The following MRPL15 variants were observed in gnomAD, a reference collection of about 807,000 sequenced individuals.
MRPL15 encodes the protein mitochondrial ribosomal protein L15.
In MRPL15, 24 loss-of-function variants were observed where a neutral mutation model predicts 28.0. The ratio of observed to expected loss-of-function variants is 0.86; its 90% CI spans 0.62 to 1.21. The LOEUF (loss-of-function observed/expected upper bound fraction) is 1.21, where lower values mean the gene tolerates loss of function less well. MRPL15 is among the 50% of genes most tolerant of loss of function. The pLI, the probability that MRPL15 is intolerant of heterozygous loss-of-function variation, is 0.00. For missense variants in MRPL15, 343 were observed against 372.4 expected (o/e 0.92, Z 0.65); for synonymous variants, 124 against 137.0 (o/e 0.90, Z 0.66).
intron 3 of MRPL15, among the ~76,000 whole-genome samples, chr8:54,137,680 T>TTCA (rs1810850653): frequency 6.6e-6 from 1 of 152,138 alleles, no homozygotes; most frequent in Non-Finnish European, 1.5e-5. Context: ...GCCAGGCTGA[T>TTCA]CTTGAACTCC....
chr8:54,141,542 TA>T lies in MRPL15; in HGVS notation c.430-1112del, dbSNP rs199866053. Among the ~76,000 whole-genome samples, 10 of 151,340 alleles carry T rather than the reference TA, an allele frequency of 6.6e-5. No individual in the cohort carries two copies. In the East Asian group the frequency reaches 1.7e-3, roughly 26 times the overall value. On this transcript the variant is annotated intron_variant, in intron 3 of 4. Transcript: ENST00000260102. ...AAACAAGGTAGCCTAAATAAAATGT[TA>T]AAAAAAAAGTGATAGGACCTCAAAG... is the stretch of plus-strand genomic sequence containing the variant.
At chr8:54,140,579 T>C (rs1348253001) in intron 3 of MRPL15, among the ~76,000 whole-genome samples, 3 of 106,792 alleles carry the variant, frequency 2.8e-5, no homozygotes, top group East Asian at 3.4e-4. Flanking sequence ...CTTTTCTTTT[T>C]TTTTTTTTTT....
chr8:54,146,674 G>A (rs1811050508), intron 4 of MRPL15, among the ~76,000 whole-genome samples: 1 of 152,180 alleles, frequency 6.6e-6, no homozygotes, highest in Non-Finnish European at 1.5e-5. Flanking sequence ...GGTTAAGGTT[G>A]CATTGCTAAC....
At chr8:54,135,431 C>T in intron 1 of MRPL15, 40 bp downstream of exon 1, 1 of 1,494,994 alleles carries the variant, frequency 6.7e-7, no homozygotes, top group South Asian at 1.2e-5. Flanking sequence ...GCTGGGGACC[C>T]GGGCGATGAA....
intron 3 of MRPL15, among the ~76,000 whole-genome samples, chr8:54,139,046 C>G (rs1233477652): frequency 2.0e-5 from 3 of 152,106 alleles, no homozygotes; most frequent in Non-Finnish European, 2.9e-5. Flanking sequence ...GTCACCCAGG[C>G]TGGAGTGCAG....
chr8:54,145,970 C>T (rs568615973), intron 4 of MRPL15, among the ~76,000 whole-genome samples: 2 of 152,294 alleles, frequency 1.3e-5, no homozygotes, highest in African/African-American at 4.8e-5. Context: ...TGTGAGTGGC[C>T]TGCCTGGAGT....
chr8:54,147,407 C>G lies in MRPL15; in HGVS notation c.579C>G (p.Phe193Leu). Residue 193 changes from phenylalanine to leucine, a missense_variant, in exon 5 of 5, where the codon TTC (phenylalanine) becomes TTG (leucine). Coordinates refer to ENST00000260102, the MANE Select transcript of MRPL15 (RefSeq NM_014175.4). ...ACATTGTATGCAAACCTGTTCCATT[C>G]TTTCTTCGTGGACAACCCATTCCAA... Reference protein sequence around the residue: ...SLDIVCKPVPFFLRGQPIPKR... With the variant: ...SLDIVCKPVPLFLRGQPIPKR... The G allele has an allele frequency of 1.9e-6, 3 of 1,612,106 alleles. No individual in the cohort carries two copies. Among genetic ancestry groups the G allele is most frequent in the Non-Finnish European group, 2.5e-6 (3 of 1,178,876 alleles).
intron 4 of MRPL15, among the ~76,000 whole-genome samples, chr8:54,144,734 G>A (rs1011068055): frequency 2.6e-5 from 4 of 151,824 alleles, no homozygotes; most frequent in African/African-American, 7.3e-5. Flanking sequence ...CGCTGAGATC[G>A]CGCCACTGCA....
chr8:54,145,106 C>G (rs1009638399), intron 4 of MRPL15, among the ~76,000 whole-genome samples: 4 of 152,140 alleles, frequency 2.6e-5, no homozygotes. Flanking sequence ...GCAGGTTGTC[C>G]CAGGATCTTT....
intron 1 of MRPL15, 61 bp from the exon 2 acceptor site, chr8:54,136,450 G>A (rs1475006386): frequency 6.4e-7 from 1 of 1,550,706 alleles, no homozygotes; most frequent in African/African-American, 1.4e-5. Context: ...AAAGTGAAGA[G>A]CTGAAATGCA....
chr8:54,142,317 G>A (rs551529245), intron 3 of MRPL15, among the ~76,000 whole-genome samples: 15 of 151,204 alleles, frequency 9.9e-5, no homozygotes, highest in Admixed American at 2.0e-4. Context: ...ACCACACCCA[G>A]CTAATTTTTT....
In MRPL15 at chr8:54,137,256, C is replaced by T. The variant is rs1003563382; in HGVS notation, c.264-12C>T. On this transcript the variant is annotated splice_polypyrimidine_tract_variant and intron_variant, in intron 2 of 4. Transcript: ENST00000260102. ...ATGAGAGTTTTCCAACTCTTACATT[C>T]TTGTTTTACAGTTTCAGACGCCAGT... 13 of 1,606,794 alleles carry T rather than the reference C, an allele frequency of 8.1e-6. No individual in the cohort carries two copies. The highest frequency in any genetic ancestry group is 1.0e-5 in the Non-Finnish European group (12 of 1,176,788).
chr8:54,147,958 G>GA lies in MRPL15; in HGVS notation c.*243dup, dbSNP rs1354295876. 2.4e-6 allele frequency: 1 copy of GA among 422,746 alleles called. No homozygotes were observed. The highest frequency in any genetic ancestry group is 4.2e-6 in the Non-Finnish European group (1 of 238,434). 26.2% of individuals were successfully genotyped at this position (422,746 alleles called of 1,614,324 possible). On this transcript the variant is annotated 3_prime_UTR_variant, in exon 5 of 5. Transcript: ENST00000260102. The stretch of plus-strand genomic sequence containing the variant: ...CAAACTCCCTGATAGTCTATGGAAG[G>GA]AAAATGACAACTATTTTAGAATATT...
chr8:54,144,586 C>A (rs928019793), intron 4 of MRPL15, among the ~76,000 whole-genome samples: 43 of 152,234 alleles, frequency 2.8e-4, no homozygotes, highest in Non-Finnish European at 4.4e-4. Flanking sequence ...GCGTGGCCAA[C>A]ATGGTGAAAC....
rs369269174 is a variant in MRPL15 at position 54,142,801 on chromosome 8, C to T, written c.553+15C>T. The T allele has an allele frequency of 5.2e-5, 84 of 1,610,132 alleles. No homozygotes were observed. Among genetic ancestry groups the T allele is most frequent in the African/African-American group, 5.2e-4 (39 of 74,850 alleles). On this transcript the variant is annotated intron_variant, in intron 4 of 4. Transcript: ENST00000260102. ...AAGAAGTCTGGGTAAGTTTGTTCCA[C>T]GGTCATTTTCTTCTTTCTCTCTTTG...
chr8:54,147,086 T>G (rs1811056728), intron 4 of MRPL15, among the ~76,000 whole-genome samples: 1 of 151,962 alleles, frequency 6.6e-6, no homozygotes, highest in Non-Finnish European at 1.5e-5. Context: ...TACAAAATGA[T>G]CCGGGCGTGG....
intron 3 of MRPL15, among the ~76,000 whole-genome samples, chr8:54,138,240 C>T (rs1293066696): frequency 6.6e-6 from 1 of 151,464 alleles, no homozygotes; most frequent in Non-Finnish European, 1.5e-5. Flanking sequence ...AGGCGTGAGC[C>T]ACCGCCCACG....
chr8:54,141,572 A>G (rs529309397), intron 3 of MRPL15, among the ~76,000 whole-genome samples: 108 of 152,298 alleles, frequency 7.1e-4, no homozygotes, highest in African/African-American at 2.4e-3. Context: ...CTCAAAGCAG[A>G]GATATTTAAA....
chr8:54,137,957 TTTTG>T (rs1810856802), intron 3 of MRPL15, among the ~76,000 whole-genome samples: 1 of 152,022 alleles, frequency 6.6e-6, no homozygotes, highest in South Asian at 2.1e-4. Flanking sequence ...CTTCTTTTTT[TTTTG>T]TTTTTGTTTT....
Sources: gnomAD v4.1 joint callset for allele counts (sites outside exome capture counted in the v4.1 genomes callset) on GRCh38, gnomAD v4.1.1 for gene constraint, MANE v1.5 for transcripts, NCBI Gene and HGNC (gene_info 2026-07-23, HGNC 2026-07-21) for gene names.